NYAP2: variants seen among roughly 807,000 people sequenced by gnomAD.
NYAP2 encodes the protein neuronal tyrosine-phosphorylated phosphoinositide-3-kinase adapter 2.
NYAP2 carries 23 observed loss-of-function variants against 50.4 expected under a neutral mutation model. That is an observed-to-expected ratio of 0.46 (90% CI 0.33 to 0.65). NYAP2 has a LOEUF of 0.65. Ranked by LOEUF, NYAP2 falls within the 30% of genes least tolerant of loss-of-function variation. NYAP2 has a pLI of 0.02. For synonymous variants in NYAP2, 394 were observed against 365.2 expected (o/e 1.08, Z -0.90); for missense variants, 885 against 861.0 (o/e 1.03, Z -0.35).
At chr2:225,643,200 C>A (rs986013474) in intron 6 of NYAP2, among the ~76,000 whole-genome samples, 8 of 151,858 alleles carry the variant, frequency 5.3e-5, no homozygotes, top group African/African-American at 1.9e-4. Flanking sequence ...GTTTGTATAA[C>A]TTCCCTCAGG....
rs895240562 is a variant in NYAP2 at position 225,466,838 on chromosome 2, T to C, written c.222-46533T>C. ...GCCTGCGGCAACCTCAATTCTTGCC[T>C]CCTCAGAAGAAAGAATTCAGCTGAG... is the stretch of plus-strand genomic sequence containing the variant. On this transcript the variant is annotated intron_variant, in intron 3 of 6. Coordinates refer to ENST00000636099, the Ensembl canonical transcript of NYAP2. Among the ~76,000 whole-genome samples the C allele has an allele frequency of 7.9e-5, 12 of 152,126 alleles. No individual in the cohort carries two copies. The East Asian group carries it at 2.3e-3, about 29-fold the overall frequency.
intron 4 of NYAP2, among the ~76,000 whole-genome samples, chr2:225,549,661 T>C (rs1286719216): frequency 6.6e-6 from 1 of 152,112 alleles, no homozygotes; most frequent in Non-Finnish European, 1.5e-5. Context: ...AAAATCACCT[T>C]GGGAGAAAAT....
Position 225,489,655 on chromosome 2 carries a change from CTCTAGTAA to C in NYAP2, c.222-23712_222-23705del, listed in dbSNP as rs536031599. Among the ~76,000 whole-genome samples, 1,083 of 152,320 alleles carry C rather than the reference CTCTAGTAA, an allele frequency of 7.1e-3. 6 individuals are homozygous for C. The highest frequency in any genetic ancestry group is 0.018 in the Admixed American group (275 of 15,302). Reference sequence around the variant, plus strand: ...GCCATATTCTGAAATACCCAACTTTCTCTAGTAATCTGGAGTCATATGGCTAGGATGTG... The same window carrying C: ...GCCATATTCTGAAATACCCAACTTTCTCTGGAGTCATATGGCTAGGATGTG... On this transcript the variant is annotated intron_variant, in intron 3 of 6. Coordinates refer to ENST00000636099, the Ensembl canonical transcript of NYAP2.
chr2:225,564,614 T>C (rs1482403835), intron 4 of NYAP2, among the ~76,000 whole-genome samples: 1 of 151,820 alleles, frequency 6.6e-6, no homozygotes, highest in Non-Finnish European at 1.5e-5. Context: ...CACCTAACTC[T>C]TCAAGAATGA....
chr2:225,479,804 AT>A (rs1187579343), intron 3 of NYAP2, among the ~76,000 whole-genome samples: 1 of 152,036 alleles, frequency 6.6e-6, no homozygotes, highest in Non-Finnish European at 1.5e-5. Context: ...AAACATCTAA[AT>A]TTTTTTCTAC....
chr2:225,505,821 A>G (rs1315268696), intron 3 of NYAP2, among the ~76,000 whole-genome samples: 3 of 152,232 alleles, frequency 2.0e-5, no homozygotes, highest in Non-Finnish European at 4.4e-5. Flanking sequence ...AGCTGCAGAC[A>G]TAGCTATAGC....
chr2:225,688,504 T>C, the NYAP2 span, among the ~76,000 whole-genome samples: 7 of 152,326 alleles, frequency 4.6e-5, no homozygotes, highest in Non-Finnish European at 5.9e-5. Context: ...AAAGAGTTCA[T>C]TGTCTACTGG....
chr2:225,428,137 G>A (rs1479170036), intron 3 of NYAP2, among the ~76,000 whole-genome samples: 1 of 152,094 alleles, frequency 6.6e-6, no homozygotes, highest in Non-Finnish European at 1.5e-5. Context: ...GTAGGTCCCT[G>A]GGCTGACCTA....
chr2:225,458,721 C>T (rs924914777), intron 3 of NYAP2, among the ~76,000 whole-genome samples: 7 of 152,184 alleles, frequency 4.6e-5, no homozygotes, highest in Non-Finnish European at 1.0e-4. Context: ...CTAAACGTGT[C>T]CCACCTTTAG....
At chr2:225,684,634 C>T in the NYAP2 span, among the ~76,000 whole-genome samples, 1 of 152,124 alleles carries the variant, frequency 6.6e-6, no homozygotes, top group African/African-American at 2.4e-5. Context: ...TCATTGCAAC[C>T]TCCGTCTCCT....
At chr2:225,493,845 G>A (rs1287854148) in intron 3 of NYAP2, among the ~76,000 whole-genome samples, 1 of 152,218 alleles carries the variant, frequency 6.6e-6, no homozygotes, top group African/African-American at 2.4e-5. Context: ...CTACCAATGT[G>A]AAGTCACGTC....
At chr2:225,520,172 G>A (rs1223107417) in intron 4 of NYAP2, among the ~76,000 whole-genome samples, 2 of 152,156 alleles carry the variant, frequency 1.3e-5, no homozygotes, top group African/African-American at 2.4e-5. Context: ...CTGGATATTA[G>A]CCTTTTGTCA....
intron 4 of NYAP2, among the ~76,000 whole-genome samples, chr2:225,551,027 T>A (rs895318748): frequency 2.6e-5 from 4 of 152,224 alleles, no homozygotes; most frequent in Admixed American, 6.5e-5. Context: ...GCCCATGCAG[T>A]CACACAGCAC....
intron 5 of NYAP2, among the ~76,000 whole-genome samples, chr2:225,622,537 CTTTCTTTCTTTCTTTCTTTCTT>C (rs1189957024): frequency 0.14 from 9,300 of 64,446 alleles, 520 homozygotes; most frequent in Admixed American, 0.25. Flanking sequence ...TTCTTTCTTT[CTTTCTTTCTTTCTTTCTTTCTT>C]TTTCTTTCTT....
At chr2:225,491,223 A>G (rs1427284805) in intron 3 of NYAP2, among the ~76,000 whole-genome samples, 1 of 152,226 alleles carries the variant, frequency 6.6e-6, no homozygotes, top group Non-Finnish European at 1.5e-5. Flanking sequence ...CATGAGCAAT[A>G]AGTGATACAT....
intron 3 of NYAP2, among the ~76,000 whole-genome samples, chr2:225,490,823 C>T (rs370420382): frequency 6.6e-6 from 1 of 152,168 alleles, no homozygotes; most frequent in South Asian, 2.1e-4. Flanking sequence ...TATTAGTTTC[C>T]GTGACCTGAA....
At chr2:225,505,047 G>T (rs1690680116) in intron 3 of NYAP2, among the ~76,000 whole-genome samples, 1 of 151,114 alleles carries the variant, frequency 6.6e-6, no homozygotes, top group African/African-American at 2.4e-5. Flanking sequence ...TTATCTTAAA[G>T]TATAATATCT....
intron 4 of NYAP2, among the ~76,000 whole-genome samples, chr2:225,575,974 G>C (rs944811447): frequency 6.6e-6 from 1 of 152,074 alleles, no homozygotes; most frequent in Non-Finnish European, 1.5e-5. Context: ...TTAAAATGCT[G>C]GTTACAAACT....
At chr2:225,543,839 A>G (rs2106205439) in intron 4 of NYAP2, among the ~76,000 whole-genome samples, 1 of 152,146 alleles carries the variant, frequency 6.6e-6, no homozygotes, top group Non-Finnish European at 1.5e-5. Flanking sequence ...GATCTGTCCA[A>G]GGCTGAATGT....
Sources: allele counts gnomAD v4.1 joint callset (sites outside exome capture counted in the v4.1 genomes callset), GRCh38; gene constraint gnomAD v4.1.1; transcripts MANE v1.5; gene names NCBI Gene and HGNC (gene_info 2026-07-23, HGNC 2026-07-21).